Variants in GMNC observed in about 807,000 individuals in gnomAD.
The protein encoded by GMNC is geminin coiled-coil domain-containing protein 1.
A neutral mutation model predicts 33.6 loss-of-function variants in GMNC; 16 were observed. That is an observed-to-expected ratio of 0.48 (90% CI 0.32 to 0.72). The LOEUF is 0.72. Ranked by LOEUF, GMNC falls within the 30% of genes least tolerant of loss-of-function variation. The pLI is 0.03. For missense variants in GMNC, 393 were observed against 388.9 expected, an observed-to-expected ratio of 1.01 and a Z score of -0.09; for synonymous variants, 156 against 147.3, an observed-to-expected ratio of 1.06 and a Z score of -0.43.
chr3:190,856,236 T>G (rs1226380456), intron 4 of GMNC, among the ~76,000 whole-genome samples: 2 of 144,546 alleles, frequency 1.4e-5, no homozygotes, highest in Non-Finnish European at 3.0e-5. Flanking sequence ...TTATAAATAA[T>G]ACTTATATTT....
At chr3:190,844,667 A>G in the GMNC span, among the ~76,000 whole-genome samples, 7,846 of 152,116 alleles carry the variant, frequency 0.052, 258 homozygotes, top group East Asian at 0.16. Flanking sequence ...ATATAAAAAA[A>G]TCTGCCCATG....
At chr3:190,843,297 T>C in the GMNC span, among the ~76,000 whole-genome samples, 1 of 151,932 alleles carries the variant, frequency 6.6e-6, no homozygotes, top group Non-Finnish European at 1.5e-5. Context: ...AGTCATACAA[T>C]GGAAAAAAAT....
rs1431207844 is a variant in GMNC at position 190,855,664 on chromosome 3, G to A, written c.636C>T (p.Leu212=). ...TGGCGACTCTTCTGGGATGAGATGC[G>A]AGGGCACTGTAGTTAGCTGATGAGG... ...DDTSSANYSA[L]ASHPRRVAST... is the part of the protein sequence containing the mutation. Residue 212 remains leucine (L), a synonymous_variant, in exon 5 of 5, where the codon CTC becomes CTT. Coordinates refer to ENST00000442080, the MANE Select transcript of GMNC (RefSeq NM_001146686.3). The A allele has an allele frequency of 8.4e-6, 13 of 1,551,446 alleles. No homozygotes were observed. Among genetic ancestry groups the A allele is most frequent in the African/African-American group, 2.7e-5 (2 of 73,008 alleles).
At chr3:190,852,033 T>C (rs1291601363), downstream of GMNC, among the ~76,000 whole-genome samples, 1 of 152,052 alleles carries the variant, frequency 6.6e-6, no homozygotes, top group Admixed American at 6.6e-5. Flanking sequence ...AAACATTATA[T>C]ATTTGTAGCT....
In GMNC at chr3:190,862,689, G is replaced by T; in HGVS notation, c.-74C>A. 1 of 1,547,302 alleles carries T rather than the reference G, an allele frequency of 6.5e-7. No individual in the cohort carries two copies. Among genetic ancestry groups the T allele is most frequent in the Non-Finnish European group, 8.7e-7 (1 of 1,142,900 alleles). On this transcript the variant is annotated 5_prime_UTR_variant, in exon 1 of 5. Coordinates refer to ENST00000442080, the MANE Select transcript of GMNC (RefSeq NM_001146686.3). The surrounding 1 kb of genome is among the most constrained non-coding windows in gnomAD (Gnocchi z 4.5). ...AGTAAAACCAGTGGGAGCTTTAAAT[G>T]AGACTGAGGGGAGGAGCTAGGAGAG...
At chr3:190,851,488 A>G (rs1737633645), downstream of GMNC, among the ~76,000 whole-genome samples, 1 of 152,220 alleles carries the variant, frequency 6.6e-6, no homozygotes, top group South Asian at 2.1e-4. Context: ...ATCAATGATG[A>G]GAGCCAATTA....
chr3:190,849,471 G>A (rs1002723741), downstream of GMNC, among the ~76,000 whole-genome samples: 7 of 152,158 alleles, frequency 4.6e-5, no homozygotes, highest in African/African-American at 1.7e-4. Context: ...TTATAACAAG[G>A]GATTCTGAAT....
At position 190,857,849 on chromosome 3, in the gene GMNC, T is replaced by C. The variant is rs564469369; in HGVS notation, c.318A>G (p.Glu106=). ...QKEEELARLH[E]ENNHLRQYLN... ...GGTATTGTCTGAGGTGATTATTCTC[T>C]TCGTGTAACCTGGCGAGTTCTTCTT... The change falls in exon 4 of 5, where the codon GAA becomes GAG. Residue 106 remains glutamate (E), a synonymous_variant. Transcript: ENST00000442080. 7.1e-6 allele frequency: 11 copies of C among 1,551,346 alleles called. No individual in the cohort carries two copies. In the East Asian group the frequency reaches 1.7e-4, roughly 24 times the overall value.
At chr3:190,847,325 T>A in the GMNC span, among the ~76,000 whole-genome samples, 1 of 152,202 alleles carries the variant, frequency 6.6e-6, no homozygotes, top group East Asian at 1.9e-4. Flanking sequence ...TGTGATATAT[T>A]CGTGGGGTCC....
chr3:190,856,485 A>ATATTTATATTTATAAATATAAATATT (rs1491456833), intron 4 of GMNC, among the ~76,000 whole-genome samples: 1 of 123,686 alleles, frequency 8.1e-6, no homozygotes, highest in African/African-American at 3.5e-5. Context: ...ATAAATATAA[A>ATATTTATATTTATAAATATAAATATT]TATATTTATA....
Position 190,859,064 on chromosome 3 carries a change from G to A in GMNC, c.179-48C>T, listed in dbSNP as rs1279573017. On this transcript the variant is annotated intron_variant, in intron 2 of 4. Coordinates refer to ENST00000442080, the MANE Select transcript of GMNC (RefSeq NM_001146686.3). ...CTGAGAAAATAATCTTGTAGTTTCTGTGTAATAAAGAAACTTATCAAATCA... is the reference window on the plus strand; with the variant it reads ...CTGAGAAAATAATCTTGTAGTTTCTATGTAATAAAGAAACTTATCAAATCA... 1.3e-5 allele frequency: 15 copies of A among 1,126,976 alleles called. No homozygotes were observed. The East Asian group carries it at 3.9e-4, about 29-fold the overall frequency. 69.8% of individuals were successfully genotyped at this position (1,126,976 alleles called of 1,614,324 possible).
chr3:190,858,070 G>A, intron 3 of GMNC, 171 bp from the exon 4 acceptor site: 2 of 593,556 alleles, frequency 3.4e-6, no homozygotes, highest in Non-Finnish European at 6.1e-6. Flanking sequence ...TCCCCCTAAT[G>A]CCTAGTTGTT....
In GMNC at chr3:190,855,291, G is replaced by T; in HGVS notation, c.*4C>A. On this transcript the variant is annotated 3_prime_UTR_variant, in exon 5 of 5. Coordinates refer to ENST00000442080, the MANE Select transcript of GMNC (RefSeq NM_001146686.3). ...GGCAGTGCTTTGTGATAAAAGAGGG[G>T]TCACTAAGACTGCTTAGGGACCCAG... 1.9e-6 allele frequency: 3 copies of T among 1,549,884 alleles called. No individual in the cohort carries two copies. Among genetic ancestry groups the T allele is most frequent in the Non-Finnish European group, 2.6e-6 (3 of 1,145,786 alleles).
At chr3:190,844,481 T>C in the GMNC span, among the ~76,000 whole-genome samples, 2 of 150,908 alleles carry the variant, frequency 1.3e-5, no homozygotes, top group African/African-American at 4.9e-5. Flanking sequence ...TAAGAATATA[T>C]AAAATTCCTA....
intron 2 of GMNC, among the ~76,000 whole-genome samples, chr3:190,860,110 A>C (rs1252567513): frequency 6.6e-6 from 1 of 152,204 alleles, no homozygotes; most frequent in Non-Finnish European, 1.5e-5. Context: ...TAACACAGAC[A>C]TTTCTTTAAT....
rs1737670260 is a variant in GMNC, at chr3:190,853,503, T to C, written c.*1792A>G. 1 of 152,076 alleles carries C rather than the reference T, an allele frequency of 6.6e-6. No individual in the cohort carries two copies. Among genetic ancestry groups the C allele is most frequent in the African/African-American group, 2.4e-5 (1 of 41,410 alleles). 9.4% of individuals were successfully genotyped at this position (152,076 alleles called of 1,614,324 possible). A position where few individuals can be genotyped will look rare whatever the true frequency, so the allele number is the denominator to read the frequency against. On this transcript the variant is annotated 3_prime_UTR_variant, in exon 5 of 5. Coordinates refer to ENST00000442080, the MANE Select transcript of GMNC (RefSeq NM_001146686.3). Reference sequence around the variant, plus strand: ...TTTCTTCATAAATTATTTTTAAAAGTGGGTGGCAACAAAACTTTATAAAAC... The same window carrying C: ...TTTCTTCATAAATTATTTTTAAAAGCGGGTGGCAACAAAACTTTATAAAAC...
chr3:190,860,952 C>T, intron 1 of GMNC, 94 bp from the exon 2 acceptor site: 1 of 827,450 alleles, frequency 1.2e-6, no homozygotes, highest in Admixed American at 2.8e-5. Context: ...ACCGAAATTA[C>T]ATGCAGTGAA....
chr3:190,844,270 A>G, the GMNC span, among the ~76,000 whole-genome samples: 2 of 151,962 alleles, frequency 1.3e-5, no homozygotes, highest in African/African-American at 4.8e-5. Context: ...GCAAAAATAT[A>G]AATGACAGGG....
chr3:190,860,142 G>A (rs1266790937), intron 2 of GMNC, among the ~76,000 whole-genome samples: 1 of 152,158 alleles, frequency 6.6e-6, no homozygotes, highest in African/African-American at 2.4e-5. Context: ...CTGCTGGTAT[G>A]CCACAGATCA....
Sources: allele counts gnomAD v4.1 joint callset (sites outside exome capture counted in the v4.1 genomes callset), GRCh38; gene constraint gnomAD v4.1.1; non-coding constraint Gnocchi (gnomAD v3.1); transcripts MANE v1.5; gene names NCBI Gene and HGNC (gene_info 2026-07-23, HGNC 2026-07-21).